Variants in SMYD3 observed in about 807,000 individuals in gnomAD.
SMYD3 encodes the protein histone-lysine N-methyltransferase SMYD3.
A neutral mutation model predicts 57.7 loss-of-function variants in SMYD3; 36 were observed. The ratio of observed to expected loss-of-function variants is 0.62; its 90% CI spans 0.48 to 0.82. SMYD3 has a LOEUF of 0.82. Ranked by LOEUF, SMYD3 falls within the 40% of genes least tolerant of loss-of-function variation. The pLI is 0.00. For synonymous variants in SMYD3, 211 were observed against 195.0 expected, an observed-to-expected ratio of 1.08 and a Z score of -0.68; for missense variants, 515 against 538.8, an observed-to-expected ratio of 0.96 and a Z score of 0.44.
At chr1:246,014,575 A>C (rs572473185) in intron 5 of SMYD3, among the ~76,000 whole-genome samples, 1 of 152,290 alleles carries the variant, frequency 6.6e-6, no homozygotes, top group Admixed American at 6.5e-5. Flanking sequence ...AAATGACACC[A>C]TAACAGATCT....
At chr1:246,370,841 C>G (rs1357812195) in intron 1 of SMYD3, among the ~76,000 whole-genome samples, 1 of 152,196 alleles carries the variant, frequency 6.6e-6, no homozygotes, top group African/African-American at 2.4e-5. Context: ...TGTAGCCAGA[C>G]TACTTGGCTC....
chr1:246,301,037 G>A (rs531469354), intron 5 of SMYD3, among the ~76,000 whole-genome samples: 4 of 152,152 alleles, frequency 2.6e-5, no homozygotes, highest in South Asian at 2.1e-4. Context: ...GATAGAAGTC[G>A]TCACTGATTA....
chr1:246,001,383 C>T (rs2059041441), intron 5 of SMYD3, among the ~76,000 whole-genome samples: 1 of 152,180 alleles, frequency 6.6e-6, no homozygotes, highest in Non-Finnish European at 1.5e-5. Flanking sequence ...CTTGCCAACC[C>T]ATCTTCAACC....
chr1:246,249,216 G>A (rs914621766), intron 5 of SMYD3, among the ~76,000 whole-genome samples: 16 of 151,882 alleles, frequency 1.1e-4, no homozygotes. Context: ...TGATTCTCCC[G>A]CCTCAGCCTT....
chr1:245,982,648 T>C (rs2058622254), intron 5 of SMYD3, among the ~76,000 whole-genome samples: 1 of 152,232 alleles, frequency 6.6e-6, no homozygotes. Flanking sequence ...TGTATTTAAT[T>C]CATATTCCCA....
intron 5 of SMYD3, among the ~76,000 whole-genome samples, chr1:246,147,061 G>A (rs1370090461): frequency 6.6e-6 from 1 of 152,128 alleles, no homozygotes; most frequent in African/African-American, 2.4e-5. Flanking sequence ...TCTTGCGTTG[G>A]TGGCGGAAGC....
chr1:246,334,914 T>C (rs2065516709), intron 3 of SMYD3, among the ~76,000 whole-genome samples: 1 of 152,132 alleles, frequency 6.6e-6, no homozygotes, highest in Non-Finnish European at 1.5e-5. Context: ...GCATCATATG[T>C]TACAGTGAAA....
At chr1:245,899,687 A>G (rs2054060239) in intron 8 of SMYD3, among the ~76,000 whole-genome samples, 1 of 152,214 alleles carries the variant, frequency 6.6e-6, no homozygotes, top group Non-Finnish European at 1.5e-5. Flanking sequence ...TTGGTCAAAC[A>G]TTATTCATAG....
At chr1:246,183,938 A>G (rs889969081) in intron 5 of SMYD3, among the ~76,000 whole-genome samples, 5 of 152,254 alleles carry the variant, frequency 3.3e-5, no homozygotes, top group Non-Finnish European at 5.9e-5. Context: ...AGGTGGTAAC[A>G]GGATACATAT....
intron 5 of SMYD3, among the ~76,000 whole-genome samples, chr1:246,294,320 G>A (rs2064753284): frequency 6.6e-6 from 1 of 152,208 alleles, no homozygotes; most frequent in African/African-American, 2.4e-5. Flanking sequence ...CCACTATGTT[G>A]CAGAGTTAGC....
At chr1:246,260,309 C>T (rs1292434017) in intron 5 of SMYD3, among the ~76,000 whole-genome samples, 1 of 152,020 alleles carries the variant, frequency 6.6e-6, no homozygotes, top group Non-Finnish European at 1.5e-5. Flanking sequence ...GAAAGGGCCT[C>T]CCTACACCAG....
intron 10 of SMYD3, among the ~76,000 whole-genome samples, chr1:245,785,870 A>AT (rs1026135692): frequency 1.3e-5 from 2 of 151,430 alleles, no homozygotes; most frequent in African/African-American, 4.9e-5. Context: ...GGCTAATTTT[A>AT]TTTTTTTTAT....
chr1:245,812,802 C>G (rs2048553618), intron 10 of SMYD3, among the ~76,000 whole-genome samples: 1 of 151,176 alleles, frequency 6.6e-6, no homozygotes, highest in African/African-American at 2.4e-5. Context: ...TCAGAGTGGG[C>G]TGGGAGGGAA....
chr1:246,362,751 C>T (rs1390698532), intron 1 of SMYD3, among the ~76,000 whole-genome samples: 4 of 152,272 alleles, frequency 2.6e-5, no homozygotes, highest in Admixed American at 6.5e-5. Flanking sequence ...GACGGAGTCT[C>T]GTTCACTCAG....
chr1:245,918,773 C>G (rs536901920), intron 7 of SMYD3, among the ~76,000 whole-genome samples: 1 of 152,288 alleles, frequency 6.6e-6, no homozygotes, highest in Non-Finnish European at 1.5e-5. Flanking sequence ...CCCTATGTCC[C>G]CTCTTGGGTT....
chr1:246,384,288 G>A (rs775319661), intron 1 of SMYD3, among the ~76,000 whole-genome samples: 7 of 151,990 alleles, frequency 4.6e-5, no homozygotes, highest in Non-Finnish European at 1.0e-4. Context: ...TCATGTATAG[G>A]TTGAGACTAA....
intron 10 of SMYD3, among the ~76,000 whole-genome samples, chr1:245,802,870 TTGAGA>T (rs1558357558): frequency 6.6e-6 from 1 of 152,202 alleles, no homozygotes; most frequent in South Asian, 2.1e-4. Flanking sequence ...TCTTAAGTCA[TTGAGA>T]CTTGTTGAGG....
chr1:246,448,866 C>CA, intron 1 of SMYD3, among the ~76,000 whole-genome samples: 1 of 152,150 alleles, frequency 6.6e-6, no homozygotes, highest in East Asian at 1.9e-4. Context: ...TTAGTTGGCT[C>CA]ACCTACAGCT....
chr1:246,165,180 C>G lies in SMYD3; in HGVS notation c.531+162021G>C, dbSNP rs111623001. The stretch of plus-strand genomic sequence containing the variant: ...TGGAGATTGCTGCTCATCGCAACTA[C>G]AGCAGTTTCAATTGAGTTAAGGACC... On this transcript the variant is annotated intron_variant, in intron 5 of 11. Coordinates refer to ENST00000490107, the MANE Select transcript of SMYD3 (RefSeq NM_001167740.2). Among the ~76,000 whole-genome samples the G allele has an allele frequency of 1.5e-3, 232 of 152,298 alleles. 1 individual carries two copies. The highest frequency in any genetic ancestry group is 5.1e-3 in the African/African-American group (214 of 41,572).
Sources: gnomAD v4.1 joint callset for allele counts (sites outside exome capture counted in the v4.1 genomes callset) on GRCh38, gnomAD v4.1.1 for gene constraint, MANE v1.5 for transcripts, NCBI Gene and HGNC (gene_info 2026-07-23, HGNC 2026-07-21) for gene names.